The following HGS variants were observed in gnomAD, a reference collection of about 807,000 sequenced individuals.
The protein encoded by HGS is hepatocyte growth factor-regulated tyrosine kinase substrate.
A neutral mutation model predicts 109.7 loss-of-function variants in HGS; 63 were observed. The ratio of observed to expected loss-of-function variants is 0.57; its 90% CI spans 0.47 to 0.71. The LOEUF (loss-of-function observed/expected upper bound fraction) is 0.71, where lower values mean the gene tolerates loss of function less well. Among genes scored for constraint, HGS ranks in the 30% least tolerant of loss-of-function variants. The pLI is 0.00. For synonymous variants in HGS, 546 were observed against 437.3 expected (o/e 1.25, Z -3.10); for missense variants, 995 against 1,068.3 (o/e 0.93, Z 0.96).
In HGS at chr17:81,700,768, T is replaced by C. The variant is rs1275220823; in HGVS notation, c.2090T>C (p.Met697Thr). The change falls in exon 20 of 22, where the codon ATG (methionine) becomes ACG (threonine). Residue 697 changes from methionine to threonine, a missense_variant. Coordinates refer to ENST00000329138, the MANE Select transcript of HGS (RefSeq NM_004712.5). ...QPPQSSTMGY[M>T]GSQSVSMGYQ... ...CCGCAGTCCAGCACCATGGGCTACA[T>C]GGGGAGCCAGTCAGTCTCCATGGGC... 6.2e-7 allele frequency: 1 copy of C among 1,612,062 alleles called. No homozygotes were observed. Among genetic ancestry groups the C allele is most frequent in the African/African-American group, 1.3e-5 (1 of 74,860 alleles).
Position 81,694,830 on chromosome 17 carries a change from C to G in HGS, c.952C>G (p.Leu318Val). 6.2e-7 allele frequency: 1 copy of G among 1,614,268 alleles called. No individual in the cohort carries two copies. The highest frequency in any genetic ancestry group is 1.6e-4 in the Middle Eastern group (1 of 6,062). The change falls in exon 12 of 22, where the codon CTG becomes GTG. Residue 318 changes from leucine (L) to valine (V), a missense_variant. By Grantham distance (32) the Leu-to-Val change is conservative. This residue lies in a region of HGS where 300 missense variants were observed against 235.4 expected (regional missense o/e 1.27). Coordinates refer to ENST00000329138, the MANE Select transcript of HGS (RefSeq NM_004712.5). ...TTCTCCCCAGAACTCGTCGGCGCCT[C>G]TGGCTGAGGACATCGACCCTGAGGT... is the stretch of plus-strand genomic sequence containing the variant. ...YSSPVNSSAP[L>V]AEDIDPELAR...
chr17:81,691,202 AT>A lies in HGS; in HGVS notation c.538-239del. 1 of 532,718 alleles carries A rather than the reference AT, an allele frequency of 1.9e-6. No homozygotes were observed. The highest frequency in any genetic ancestry group is 3.4e-6 in the Non-Finnish European group (1 of 294,816). 33.0% of individuals were successfully genotyped at this position (532,718 alleles called of 1,614,324 possible). The stretch of plus-strand genomic sequence containing the variant: ...TGTTTTATCAGCAGAATTGATGTGT[AT>A]TTTTTCCTTGCCCTTACTTTTAACT... On this transcript the variant is annotated intron_variant, in intron 7 of 21. Coordinates refer to ENST00000329138, the MANE Select transcript of HGS (RefSeq NM_004712.5). This position sits in a 1 kb window ranked among gnomAD's most constrained non-coding sequence, Gnocchi z 5.3.
chr17:81,697,268 C>G (rs2037166196), intron 18 of HGS: 1 of 399,136 alleles, frequency 2.5e-6, no homozygotes, highest in Admixed American at 4.0e-5. Context: ...GGCTGCCGAT[C>G]CTCGTCTGTA....
Position 81,693,949 on chromosome 17 carries a change from T to G in HGS, c.920T>G (p.Leu307Arg), listed in dbSNP as rs772453289. The change falls in exon 11 of 22, where the codon CTG becomes CGG. Residue 307 changes from leucine (L) to arginine (R), a missense_variant. Transcript: ENST00000329138. ...SASSAPPASSLYSSPVNSSAP... is the reference protein window; with the variant it reads ...SASSAPPASSRYSSPVNSSAP... ...TCCTCAGCGCCCCCCGCCAGCAGCC[T>G]GTACTCTTCACCTGTGGTGAGCGGC... The G allele has an allele frequency of 6.2e-7, 1 of 1,610,880 alleles. No homozygotes were observed. The highest frequency in any genetic ancestry group is 8.5e-7 in the Non-Finnish European group (1 of 1,179,602).
intron 14 of HGS, chr17:81,695,580 G>C (rs2037132905): frequency 1.6e-6 from 1 of 612,104 alleles, no homozygotes; most frequent in African/African-American, 1.8e-5. Context: ...CCCTGAGCCA[G>C]CTCCGTCCTG....
intron 4 of HGS, among the ~76,000 whole-genome samples, chr17:81,687,796 G>A (rs1187130270): frequency 6.6e-6 from 1 of 152,042 alleles, no homozygotes; most frequent in Non-Finnish European, 1.5e-5. Flanking sequence ...GGCCAGACCT[G>A]GGTCTCATAG....
At chr17:81,688,292 C>T (rs2037012167) in intron 4 of HGS, among the ~76,000 whole-genome samples, 1 of 151,574 alleles carries the variant, frequency 6.6e-6, no homozygotes, top group Admixed American at 6.5e-5. Flanking sequence ...CCGCGTCTCC[C>T]CGGCTGTGAC....
Position 81,693,537 on chromosome 17 carries a change from C to G in HGS, c.697C>G (p.Leu233Val). The change falls in exon 9 of 22, where the codon CTG (leucine) becomes GTG (valine). Residue 233 changes from leucine (L) to valine (V), a missense_variant. Coordinates refer to ENST00000329138, the MANE Select transcript of HGS (RefSeq NM_004712.5). ...GGGAAAGGCCACTTCCACCACTGAG[C>G]TGCCCCCCGAGTACCTGACCAGCCC... ...AEGKATSTTE[L>V]PPEYLTSPLS... The G allele has an allele frequency of 2.5e-6, 4 of 1,613,218 alleles. No homozygotes were observed. The highest frequency in any genetic ancestry group is 3.4e-6 in the Non-Finnish European group (4 of 1,179,648).
At chr17:81,685,107 C>T in intron 1 of HGS, 1 of 980,570 alleles carries the variant, frequency 1.0e-6, no homozygotes, top group Non-Finnish European at 1.2e-6. Context: ...CCGTTCTGCC[C>T]TTATTTCCAA....
rs910409059 is a variant in HGS, at chr17:81,693,321, T to C, written c.663-182T>C. Among the ~76,000 whole-genome samples, 7 of 152,242 alleles carry C rather than the reference T, an allele frequency of 4.6e-5. No individual in the cohort carries two copies. The South Asian group carries it at 1.4e-3, about 32-fold the overall frequency. The stretch of plus-strand genomic sequence containing the variant: ...ACCCGAGCCCTTGTGGCTGGTGTGA[T>C]GCCCTCGAGTCCTGCCCTGCTCTGC... On this transcript the variant is annotated intron_variant, in intron 8 of 21. Coordinates refer to ENST00000329138, the MANE Select transcript of HGS (RefSeq NM_004712.5).
intron 21 of HGS, 106 bp from the exon 22 acceptor site, chr17:81,701,402 A>G: frequency 3.3e-6 from 4 of 1,227,984 alleles, no homozygotes; most frequent in South Asian, 2.8e-5. Context: ...GTCCGTGGAC[A>G]TGGATTACAA....
intron 1 of HGS, chr17:81,685,007 G>C (rs2036952625): frequency 1.0e-6 from 1 of 985,246 alleles, no homozygotes; most frequent in African/African-American, 1.7e-5. Flanking sequence ...TGTGGGCAGA[G>C]CTGGAGCTGC....
In HGS at chr17:81,684,011, G is replaced by T; in HGVS notation, c.-56G>T. On this transcript the variant is annotated 5_prime_UTR_variant, in exon 1 of 22. Coordinates refer to ENST00000329138, the MANE Select transcript of HGS (RefSeq NM_004712.5). ...AAGGCGGAAGCGGAAGTCGGGGGGC[G>T]CGCCAGCTCGTAGCAGGGGAGCGCC... 6.4e-7 allele frequency: 1 copy of T among 1,562,838 alleles called. No individual in the cohort carries two copies. Among genetic ancestry groups the T allele is most frequent in the East Asian group, 2.3e-5 (1 of 42,952 alleles).
chr17:81,688,600 G>A (rs2037018206), intron 4 of HGS, 104 bp from the exon 5 acceptor site: 1 of 1,435,482 alleles, frequency 7.0e-7, no homozygotes. Context: ...CTCTGTGTCA[G>A]CCCCATCTGC....
At position 81,696,718 on chromosome 17, in the gene HGS, A is replaced by G; in HGVS notation, c.1678A>G (p.Met560Val). 1 of 1,608,262 alleles carries G rather than the reference A, an allele frequency of 6.2e-7. No homozygotes were observed. The highest frequency in any genetic ancestry group is 8.5e-7 in the Non-Finnish European group (1 of 1,177,070). The change falls in exon 17 of 22, where the codon ATG becomes GTG. Residue 560 changes from methionine (M) to valine (V), a missense_variant. By Grantham distance (21) the Met-to-Val change is conservative (BLOSUM62 1). Around this residue, in one of 6 missense-constraint regions of HGS, gnomAD observed 326 missense variants for 309.7 expected, o/e 1.05. Transcript: ENST00000329138. ...GCAGACGGTCCAGATGCGCGCGCAG[A>G]TGCCCGCCTTCCCCCTGCCCTACGC... ...QKQTVQMRAQ[M>V]PAFPLPYAQL...
In HGS at chr17:81,701,720, A is replaced by G. The variant is rs936778988; in HGVS notation, c.*102A>G. ...TGCCTCCCTGTCCTCTACTGCCGGT[A>G]GTGTCCCTTCTCTGCGAGTGAGGGG... is the stretch of plus-strand genomic sequence containing the variant. On this transcript the variant is annotated 3_prime_UTR_variant, in exon 22 of 22. Coordinates refer to ENST00000329138, the MANE Select transcript of HGS (RefSeq NM_004712.5). 13 of 1,459,650 alleles carry G rather than the reference A, an allele frequency of 8.9e-6. No individual in the cohort carries two copies. The highest frequency in any genetic ancestry group is 1.4e-5 in the South Asian group (1 of 73,256). 90.4% of individuals were successfully genotyped at this position (1,459,650 alleles called of 1,614,324 possible).
Position 81,700,784 on chromosome 17 carries a change from C to T in HGS, c.2106C>T (p.Val702=), listed in dbSNP as rs770293915. The change falls in exon 20 of 22, where the codon GTC becomes GTT. Residue 702 remains valine, a synonymous_variant. Coordinates refer to ENST00000329138, the MANE Select transcript of HGS (RefSeq NM_004712.5). ...TGGGCTACATGGGGAGCCAGTCAGTCTCCATGGGCTACCAGCCTTACAACA... is the reference window on the plus strand; with the variant it reads ...TGGGCTACATGGGGAGCCAGTCAGTTTCCATGGGCTACCAGCCTTACAACA... ...STMGYMGSQS[V]SMGYQPYNMQ... is the part of the protein sequence containing the mutation. The T allele has an allele frequency of 2.5e-6, 4 of 1,612,662 alleles. No homozygotes were observed. Among genetic ancestry groups the T allele is most frequent in the Non-Finnish European group, 3.4e-6 (4 of 1,179,850 alleles).
intron 5 of HGS, among the ~76,000 whole-genome samples, chr17:81,689,764 T>G (rs2037036184): frequency 6.6e-6 from 1 of 152,224 alleles, no homozygotes; most frequent in Non-Finnish European, 1.5e-5. Context: ...ATGCTGGTGG[T>G]CTGTGCTCCT....
intron 18 of HGS, among the ~76,000 whole-genome samples, chr17:81,699,813 G>A (rs1173645110): frequency 2.0e-5 from 3 of 151,082 alleles, no homozygotes; most frequent in Non-Finnish European, 2.9e-5. Context: ...GGTGGCTCAC[G>A]CCTATAATCC....
Sources: gnomAD v4.1 joint callset for allele counts (sites outside exome capture counted in the v4.1 genomes callset) on GRCh38, gnomAD v4.1.1 for gene constraint, gnomAD v4.1.1 regional missense constraint, Gnocchi (gnomAD v3.1) non-coding constraint, MANE v1.5 for transcripts, NCBI Gene and HGNC (gene_info 2026-07-23, HGNC 2026-07-21) for gene names.